The following ERBB4 variants were observed in gnomAD, a reference collection of about 807,000 sequenced individuals.
ERBB4 encodes the protein erb-b2 receptor tyrosine kinase 4, also known as receptor tyrosine-protein kinase erbB-4.
Under a neutral mutation model 158.0 loss-of-function variants are expected in ERBB4, and 42 were observed. That is an observed-to-expected ratio of 0.27 (90% CI 0.21 to 0.34). The LOEUF (loss-of-function observed/expected upper bound fraction) is 0.34, where lower values mean the gene tolerates loss of function less well. Among genes scored for constraint, ERBB4 ranks in the 10% least tolerant of loss-of-function variants. The pLI is 1.00. For synonymous variants in ERBB4, 583 were observed against 558.7 expected, an observed-to-expected ratio of 1.04 and a Z score of -0.61; for missense variants, 1,333 against 1,624.1, an observed-to-expected ratio of 0.82 and a Z score of 3.08.
At chr2:212,502,195 C>T (rs1030908333) in intron 1 of ERBB4, among the ~76,000 whole-genome samples, 1 of 151,952 alleles carries the variant, frequency 6.6e-6, no homozygotes, top group African/African-American at 2.4e-5. Context: ...GCTTATTATG[C>T]ATAAAATAAT....
intron 2 of ERBB4, among the ~76,000 whole-genome samples, chr2:212,108,057 G>C (rs1184282431): frequency 1.3e-5 from 2 of 152,094 alleles, no homozygotes; most frequent in African/African-American, 4.8e-5. Flanking sequence ...AACTCAGAGA[G>C]TTAAATAAAT....
intron 2 of ERBB4, among the ~76,000 whole-genome samples, chr2:212,092,244 T>C (rs1394313675): frequency 1.3e-5 from 2 of 152,332 alleles, no homozygotes; most frequent in East Asian, 3.8e-4. Context: ...ATTAGAATTG[T>C]AGAACAGGAT....
At chr2:212,529,557 C>T (rs187742128) in intron 1 of ERBB4, among the ~76,000 whole-genome samples, 24 of 152,098 alleles carry the variant, frequency 1.6e-4, no homozygotes, top group Non-Finnish European at 2.5e-4. Context: ...TTACTTTGTG[C>T]ACTATATGGT....
intron 2 of ERBB4, among the ~76,000 whole-genome samples, chr2:212,043,470 TGACAGATATTAAA>T (rs1264662151): frequency 1.3e-5 from 2 of 152,164 alleles, no homozygotes; most frequent in African/African-American, 2.4e-5. Flanking sequence ...CTTGGTCTAC[TGACAGATATTAAA>T]GTGCAAAAGG....
chr2:211,905,676 A>G, intron 3 of ERBB4, among the ~76,000 whole-genome samples: 1 of 128,722 alleles, frequency 7.8e-6, no homozygotes, highest in Non-Finnish European at 1.6e-5. Context: ...ATATATATAT[A>G]TATATACACA....
intron 2 of ERBB4, among the ~76,000 whole-genome samples, chr2:212,079,920 ATAG>A (rs1425766531): frequency 7.9e-5 from 12 of 152,172 alleles, no homozygotes; most frequent in Admixed American, 7.9e-4. Context: ...TTAGGATTAT[ATAG>A]TAGACTTTTC....
At chr2:211,463,011 C>T (rs2064576626) in intron 20 of ERBB4, among the ~76,000 whole-genome samples, 1 of 152,150 alleles carries the variant, frequency 6.6e-6, no homozygotes, top group Non-Finnish European at 1.5e-5. Flanking sequence ...TATTCCACTG[C>T]TGTATTGTAG....
At chr2:212,372,753 C>T (rs1055957633) in intron 1 of ERBB4, among the ~76,000 whole-genome samples, 1 of 151,956 alleles carries the variant, frequency 6.6e-6, no homozygotes, top group Non-Finnish European at 1.5e-5. Flanking sequence ...CGTCTCAAAA[C>T]AAAAACAAAA....
intron 25 of ERBB4, among the ~76,000 whole-genome samples, chr2:211,414,577 C>A (rs2063342519): frequency 6.7e-6 from 1 of 150,048 alleles, no homozygotes; most frequent in African/African-American, 2.4e-5. Context: ...GAGATATAAT[C>A]AGGCAATATT....
intron 2 of ERBB4, among the ~76,000 whole-genome samples, chr2:211,995,424 G>A (rs1032459811): frequency 2.6e-5 from 4 of 152,116 alleles, no homozygotes; most frequent in East Asian, 1.9e-4. Flanking sequence ...CCTCAACATT[G>A]TTTTTAAGGA....
intron 1 of ERBB4, among the ~76,000 whole-genome samples, chr2:212,281,863 T>G (rs971431060): frequency 3.3e-5 from 5 of 151,818 alleles, no homozygotes; most frequent in Non-Finnish European, 2.9e-5. Context: ...TTTATGCAAC[T>G]CTGCTTCAAT....
intron 20 of ERBB4, among the ~76,000 whole-genome samples, chr2:211,544,558 G>A (rs78386293): frequency 0.025 from 3,778 of 152,018 alleles, 150 homozygotes; most frequent in African/African-American, 0.086. Context: ...ACCTCTTTAA[G>A]TCCCAGTTTT....
Position 212,240,637 on chromosome 2 carries a change from CAAAAAAAAAAAAAAAAA to C in ERBB4, c.83-115751_83-115735del, listed in dbSNP as rs71054188. ...TGGGCAACAGAGCGACACTCTGGCTCAAAAAAAAAAAAAAAAAAAAAAAAAAAAAACAGAAAAAAAAG... is the reference window on the plus strand; with the variant it reads ...TGGGCAACAGAGCGACACTCTGGCTCAAAAAAAAAAAAACAGAAAAAAAAG... On this transcript the variant is annotated intron_variant, in intron 1 of 27. Coordinates refer to ENST00000342788, the MANE Select transcript of ERBB4 (RefSeq NM_005235.3). 9.8e-4 allele frequency among the ~76,000 whole-genome samples: 35 copies of C among 35,796 alleles called. 1 individual carries two copies. The highest frequency in any genetic ancestry group is 6.7e-3 in the Admixed American group (20 of 2,986). 23.5% of individuals were successfully genotyped at this position (35,796 alleles called of 152,430 possible).
intron 20 of ERBB4, among the ~76,000 whole-genome samples, chr2:211,513,427 T>C (rs1190472707): frequency 6.6e-6 from 1 of 151,644 alleles, no homozygotes; most frequent in Non-Finnish European, 1.5e-5. Context: ...CAACTATGCC[T>C]TTTTTCACGG....
chr2:211,838,496 T>C (rs10208623), intron 3 of ERBB4, among the ~76,000 whole-genome samples: 54,039 of 152,028 alleles, frequency 0.36, 11,603 homozygotes, highest in Admixed American at 0.49. Flanking sequence ...TGAAAGCAGC[T>C]GTTATAAAAC....
chr2:212,012,086 T>A (rs963443886), intron 2 of ERBB4, among the ~76,000 whole-genome samples: 2 of 152,234 alleles, frequency 1.3e-5, no homozygotes, highest in African/African-American at 4.8e-5. Context: ...ACTTGTGCAC[T>A]TAAAAATATT....
intron 1 of ERBB4, chr2:212,426,177 C>A: frequency 2.3e-6 from 1 of 435,050 alleles, no homozygotes; most frequent in South Asian, 1.8e-5. Flanking sequence ...TGTGATATCA[C>A]TCTTTATAGA....
At chr2:212,378,593 A>AT (rs904965283) in intron 1 of ERBB4, among the ~76,000 whole-genome samples, 11 of 151,028 alleles carry the variant, frequency 7.3e-5, no homozygotes, top group South Asian at 2.1e-4. Flanking sequence ...CAAAGCGCTC[A>AT]TTTTTTTTTC....
At chr2:212,468,148 C>A (rs145314454) in intron 1 of ERBB4, among the ~76,000 whole-genome samples, 160 of 152,220 alleles carry the variant, frequency 1.1e-3, no homozygotes, top group African/African-American at 3.7e-3. Flanking sequence ...GGCTCATAGG[C>A]AGAAGGTACT....
Sources: gnomAD v4.1 joint callset for allele counts (sites outside exome capture counted in the v4.1 genomes callset) on GRCh38, gnomAD v4.1.1 for gene constraint, MANE v1.5 for transcripts, NCBI Gene and HGNC (gene_info 2026-07-23, HGNC 2026-07-21) for gene names.